The following RNASEH2A variants were observed in gnomAD, a reference collection of about 807,000 sequenced individuals.
The protein encoded by RNASEH2A is RNase H(35).
RNASEH2A carries 30 observed loss-of-function variants against 32.7 expected under a neutral mutation model. The observed-to-expected ratio is 0.92, with a 90% CI of 0.69 to 1.25. The LOEUF (loss-of-function observed/expected upper bound fraction) is 1.25, where lower values mean the gene tolerates loss of function less well. RNASEH2A is among the 50% of genes most tolerant of loss of function. The pLI is 0.00. For synonymous variants in RNASEH2A, 147 were observed against 165.4 expected (o/e 0.89, Z 0.86); for missense variants, 409 against 398.1 (o/e 1.03, Z -0.23).
rs972261004 is a variant in RNASEH2A, at chr19:12,810,319, G to A, written c.552G>A (p.Val184=). The A allele has an allele frequency of 1.2e-6, 2 of 1,614,198 alleles. No individual in the cohort carries two copies. The highest frequency in any genetic ancestry group is 1.6e-4 in the Middle Eastern group (1 of 6,062). The change falls in exon 6 of 8, where the codon GTG becomes GTA. Residue 184 remains valine, a splice_region_variant and synonymous_variant. Coordinates refer to ENST00000221486, the MANE Select transcript of RNASEH2A (RefSeq NM_006397.3). ...VVSAASICAK[V]ARDQAVKKWQ... is the part of the protein sequence containing the mutation. ...CCAGGTGCCTGTTTTGCCCACAGGT[G>A]GCCCGGGACCAGGCCGTGAAGAAAT...
At position 12,807,325 on chromosome 19, in the gene RNASEH2A, G is replaced by C; in HGVS notation, c.319G>C (p.Gly107Arg). Reference sequence around the variant, plus strand: ...AAACCTCATCTCTACCAGCATGCTTGGGCGGTGAGGGGTCCCCGGGAGGGG... The same window carrying C: ...AAACCTCATCTCTACCAGCATGCTTCGGCGGTGAGGGGTCCCCGGGAGGGG... ...SPNLISTSML[G>R]RVKYNLNSLS... The change falls in exon 3 of 8, where the codon GGG becomes CGG. Residue 107 changes from glycine to arginine, a missense_variant. Physicochemically the swap from Gly to Arg is moderately radical, Grantham distance 125. Transcript: ENST00000221486. 6.2e-7 allele frequency: 1 copy of C among 1,614,180 alleles called. No individual in the cohort carries two copies. Among genetic ancestry groups the C allele is most frequent in the Non-Finnish European group, 8.5e-7 (1 of 1,180,038 alleles).
rs1457374293 is a variant in RNASEH2A, at chr19:12,806,641, G to C, written c.-33G>C. On this transcript the variant is annotated 5_prime_UTR_variant, in exon 1 of 8. Coordinates refer to ENST00000221486, the MANE Select transcript of RNASEH2A (RefSeq NM_006397.3). ...GCCGAGACCCGCTCCTGCAGTATTA[G>C]TTCTTGCAGCTGGTGGTGGCGGCTG... 6.4e-7 allele frequency: 1 copy of C among 1,567,476 alleles called. No individual in the cohort carries two copies. The highest frequency in any genetic ancestry group is 2.4e-5 in the East Asian group (1 of 42,182).
intron 6 of RNASEH2A, among the ~76,000 whole-genome samples, chr19:12,811,917 A>AAATAATAATAAT (rs60819630): frequency 3.2e-4 from 48 of 148,272 alleles, no homozygotes; most frequent in African/African-American, 1.2e-3. Flanking sequence ...TTCCATCTCA[A>AAATAATAATAAT]AATAATAATA....
chr19:12,811,088 AC>A (rs1969064791), intron 6 of RNASEH2A, among the ~76,000 whole-genome samples: 1 of 152,112 alleles, frequency 6.6e-6, no homozygotes, highest in Non-Finnish European at 1.5e-5. Flanking sequence ...GGTGTGAACT[AC>A]TGTGCCTGGC....
chr19:12,806,882 G>A lies in RNASEH2A; in HGVS notation c.127+82G>A, dbSNP rs1230143052. ...GAGTCGGGATTGCACTGCACCAAGG[G>A]AGGGGATGTGGTCGTGGTGATGGCA... On this transcript the variant is annotated intron_variant, in intron 1 of 7. Coordinates refer to ENST00000221486, the MANE Select transcript of RNASEH2A (RefSeq NM_006397.3). The A allele has an allele frequency of 4.4e-6, 7 of 1,597,078 alleles. No homozygotes were observed. The Admixed American group carries it at 8.6e-5, about 20-fold the overall frequency.
At chr19:12,808,428 T>G (rs913913200) in intron 4 of RNASEH2A, among the ~76,000 whole-genome samples, 20 of 152,096 alleles carry the variant, frequency 1.3e-4, no homozygotes, top group African/African-American at 4.8e-4. Flanking sequence ...CGTCTCCATC[T>G]AATCTCTCCC....
chr19:12,807,126 A>T, intron 2 of RNASEH2A, 47 bp downstream of exon 2: 1 of 1,614,146 alleles, frequency 6.2e-7, no homozygotes, highest in Non-Finnish European at 8.5e-7. Context: ...GGGTATGTGC[A>T]GGGGCAGGTG....
At chr19:12,807,655 G>A in intron 4 of RNASEH2A, 149 bp downstream of exon 4, 2 of 752,512 alleles carry the variant, frequency 2.7e-6, no homozygotes, top group Non-Finnish European at 4.6e-6. Flanking sequence ...ATGGAGGCAG[G>A]GCGCAGTGGC....
chr19:12,810,388 C>T lies in RNASEH2A; in HGVS notation c.621C>T (p.Gly207=), dbSNP rs1196401533. The T allele has an allele frequency of 6.2e-7, 1 of 1,614,094 alleles. No individual in the cohort carries two copies. The highest frequency in any genetic ancestry group is 1.1e-5 in the South Asian group (1 of 91,088). Residue 207 remains glycine (G), a synonymous_variant, in exon 6 of 8, where the codon GGC becomes GGT. Coordinates refer to ENST00000221486, the MANE Select transcript of RNASEH2A (RefSeq NM_006397.3). Reference sequence around the variant, plus strand: ...TGCAGGACTTGGATACTGATTATGGCTCAGGCTACCCCAATGGTGAGCAGA... The same window carrying T: ...TGCAGGACTTGGATACTGATTATGGTTCAGGCTACCCCAATGGTGAGCAGA... The part of the protein sequence containing the change: ...EKLQDLDTDY[G]SGYPNDPKTK...
rs1215806211 is a variant in RNASEH2A, at chr19:12,813,183, GAA to G, written c.740_741del (p.Lys247ArgfsTer28). 6.2e-7 allele frequency: 1 copy of G among 1,613,928 alleles called. No homozygotes were observed. Among genetic ancestry groups the G allele is most frequent in the East Asian group, 2.2e-5 (1 of 44,892 alleles). On this transcript the variant is annotated frameshift_variant, in exon 7 of 8. Coordinates refer to ENST00000221486, the MANE Select transcript of RNASEH2A (RefSeq NM_006397.3). LOFTEE classifies it low-confidence loss of function (END_TRUNC). ...GGCGCACGGCCCAGACCATCCTGGA[GAA>G]AGAGGCGGAAGATGTTATATGGTGG... ...SWRTAQTILEKEAEDVIWEDS... is the reference protein window; with the variant it reads ...SWRTAQTILEXEAEDVIWEDS...
At position 12,810,429 on chromosome 19, in the gene RNASEH2A, C is replaced by T. The variant is rs542319382; in HGVS notation, c.637+25C>T. 6.5e-5 allele frequency: 104 copies of T among 1,594,232 alleles called. 2 individuals are homozygous for T. The Admixed American group carries it at 1.7e-3, about 26-fold the overall frequency. On this transcript the variant is annotated intron_variant, in intron 6 of 7. Coordinates refer to ENST00000221486, the MANE Select transcript of RNASEH2A (RefSeq NM_006397.3). ...GGTGAGCAGACACGTGACCATGGTACTAATGTTGAAATGGCCAGGGCTGAG... is the reference window on the plus strand; with the variant it reads ...GGTGAGCAGACACGTGACCATGGTATTAATGTTGAAATGGCCAGGGCTGAG...
intron 7 of RNASEH2A, 25 bp from the exon 8 acceptor site, chr19:12,813,303 C>T (rs992578467): frequency 1.9e-6 from 3 of 1,614,110 alleles, no homozygotes; most frequent in African/African-American, 2.7e-5. Context: ...TGTAAGTGGT[C>T]ACTGTCATCA....
At position 12,806,803 on chromosome 19, in the gene RNASEH2A, G is replaced by T; in HGVS notation, c.127+3G>T. The T allele has an allele frequency of 2.5e-6, 4 of 1,582,080 alleles. No homozygotes were observed. Among genetic ancestry groups the T allele is most frequent in the Non-Finnish European group, 3.4e-6 (4 of 1,164,512 alleles). The stretch of plus-strand genomic sequence containing the variant: ...GGCGGGCAGGGGCCCCGTGCTGGGT[G>T]CGCCCCTAGGGCCAGGGAGGGGAGG... On this transcript the variant is annotated splice_donor_region_variant and intron_variant, in intron 1 of 7. Coordinates refer to ENST00000221486, the MANE Select transcript of RNASEH2A (RefSeq NM_006397.3).
chr19:12,807,708 G>C, intron 4 of RNASEH2A: 1 of 606,456 alleles, frequency 1.6e-6, no homozygotes, highest in South Asian at 1.8e-5. Context: ...GCGGCGGGTA[G>C]ATCACCGGAG....
Position 12,807,034 on chromosome 19 carries a change from T to C in RNASEH2A, c.154T>C (p.Cys52Arg). The change falls in exon 2 of 8, where the codon TGT becomes CGT. Residue 52 changes from cysteine (C) to arginine (R), a missense_variant. Transcript: ENST00000221486. ...LGPMVYAICY[C>R]PLPRLADLEA... ...CCCCATGGTCTACGCCATCTGTTAT[T>C]GTCCCCTGCCTCGCCTGGCAGATCT... The C allele has an allele frequency of 6.2e-7, 1 of 1,614,108 alleles. No homozygotes were observed.
Position 12,807,266 on chromosome 19 carries a change from A to G in RNASEH2A, c.260A>G (p.Asp87Gly). 1 of 1,614,140 alleles carries G rather than the reference A, an allele frequency of 6.2e-7. No individual in the cohort carries two copies. Among genetic ancestry groups the G allele is most frequent in the African/African-American group, 1.3e-5 (1 of 75,028 alleles). ...ERLFAKMEDT[D>G]FVGWALDVLS... ...CTGTTTGCGAAAATGGAGGACACGG[A>G]CTTTGTCGGCTGGGCGCTGGATGTG... Residue 87 changes from aspartate to glycine, a missense_variant, in exon 3 of 8, where the codon GAC (aspartate) becomes GGC (glycine). Transcript: ENST00000221486.
intron 4 of RNASEH2A, among the ~76,000 whole-genome samples, chr19:12,809,047 C>T (rs956306514): frequency 1.1e-4 from 17 of 151,758 alleles, no homozygotes; most frequent in African/African-American, 3.2e-4. Flanking sequence ...GGGCCCTACC[C>T]GTAGGCGTTC....
chr19:12,810,259 G>A (rs778633489), intron 5 of RNASEH2A, 51 bp downstream of exon 5: 5 of 1,614,132 alleles, frequency 3.1e-6, no homozygotes, highest in South Asian at 1.1e-5. Flanking sequence ...CTATATAGGG[G>A]CCAGGCATGG....
At chr19:12,808,529 C>G (rs1235068741) in intron 4 of RNASEH2A, among the ~76,000 whole-genome samples, 1 of 152,062 alleles carries the variant, frequency 6.6e-6, no homozygotes, top group East Asian at 1.9e-4. Context: ...TCCCTGGACA[C>G]CTGCTGAGTG....
Sources: allele counts gnomAD v4.1 joint callset (sites outside exome capture counted in the v4.1 genomes callset), GRCh38; gene constraint gnomAD v4.1.1; transcripts MANE v1.5; gene names NCBI Gene and HGNC (gene_info 2026-07-23, HGNC 2026-07-21).